AGBL1: variants seen among roughly 807,000 people sequenced by gnomAD.
AGBL1 encodes cytosolic carboxypeptidase 4.
In AGBL1, 130 loss-of-function variants were observed where a neutral mutation model predicts 118.9. The observed-to-expected ratio is 1.09, with a 90% CI of 0.95 to 1.26. The LOEUF (loss-of-function observed/expected upper bound fraction) is 1.26. Ranked by LOEUF, AGBL1 falls within the 50% of genes most tolerant of loss-of-function variation. The pLI, the probability that AGBL1 is intolerant of heterozygous loss-of-function variation, is 0.00. For missense variants in AGBL1, 1,584 were observed against 1,298.1 expected, an observed-to-expected ratio of 1.22 and a Z score of -3.38; for synonymous variants, 555 against 478.9, an observed-to-expected ratio of 1.16 and a Z score of -2.08.
chr15:86,468,214 C>T (rs1183522062), intron 18 of AGBL1, among the ~76,000 whole-genome samples: 2 of 152,122 alleles, frequency 1.3e-5, no homozygotes, highest in African/African-American at 2.4e-5. Flanking sequence ...AAGAAGAAAG[C>T]ATTAGACAGG....
chr15:86,327,216 G>A (rs1434880155), intron 17 of AGBL1, among the ~76,000 whole-genome samples: 1 of 152,182 alleles, frequency 6.6e-6, no homozygotes, highest in African/African-American at 2.4e-5. Context: ...ACCCAATGTG[G>A]AGGGTGTGCA....
At chr15:86,402,212 T>TTATG (rs1312227669) in intron 18 of AGBL1, among the ~76,000 whole-genome samples, 3 of 152,046 alleles carry the variant, frequency 2.0e-5, no homozygotes, top group Non-Finnish European at 4.4e-5. Flanking sequence ...ATTTATTTAT[T>TTATG]TATTTTTACA....
intron 21 of AGBL1, among the ~76,000 whole-genome samples, chr15:86,636,497 T>G (rs1371269406): frequency 6.7e-6 from 1 of 148,984 alleles, no homozygotes; most frequent in Admixed American, 6.8e-5. Context: ...CAAGATAGTT[T>G]TTTTTTTTTC....
chr15:86,218,522 C>A (rs2078226471), intron 5 of AGBL1, among the ~76,000 whole-genome samples: 1 of 152,138 alleles, frequency 6.6e-6, no homozygotes, highest in African/African-American at 2.4e-5. Flanking sequence ...TGGGAAAGAG[C>A]TGAAACTTGT....
chr15:86,635,924 A>G (rs2142451467), intron 21 of AGBL1, among the ~76,000 whole-genome samples: 1 of 152,302 alleles, frequency 6.6e-6, no homozygotes, highest in South Asian at 2.1e-4. Context: ...TGGGTGAGTC[A>G]GCACAGTTGG....
intron 22 of AGBL1, among the ~76,000 whole-genome samples, chr15:86,889,520 A>G (rs1159311905): frequency 2.6e-5 from 4 of 152,028 alleles, no homozygotes; most frequent in East Asian, 3.9e-4. Flanking sequence ...TCCATTAGCT[A>G]TTCTTCCTGA....
intron 5 of AGBL1, among the ~76,000 whole-genome samples, chr15:86,182,689 C>T (rs1462146885): frequency 1.3e-5 from 2 of 152,104 alleles, no homozygotes; most frequent in Admixed American, 6.6e-5. Context: ...TTCAGCATTG[C>T]AGAAGCAGAG....
At chr15:86,320,801 T>C (rs1316970624) in intron 17 of AGBL1, among the ~76,000 whole-genome samples, 1 of 152,072 alleles carries the variant, frequency 6.6e-6, no homozygotes, top group African/African-American at 2.4e-5. Context: ...ATAAGATTTT[T>C]AACATGAATG....
At chr15:86,152,861 A>G (rs907300623) in intron 3 of AGBL1, among the ~76,000 whole-genome samples, 15 of 152,378 alleles carry the variant, frequency 9.8e-5, no homozygotes, top group Middle Eastern at 3.4e-3. Context: ...ATATGAACAG[A>G]CATTTCTTAA....
intron 18 of AGBL1, among the ~76,000 whole-genome samples, chr15:86,442,928 C>T (rs1297213527): frequency 6.6e-6 from 1 of 152,132 alleles, no homozygotes; most frequent in Non-Finnish European, 1.5e-5. Flanking sequence ...CTCCTCCCAC[C>T]CCCTGCTCCT....
intron 17 of AGBL1, among the ~76,000 whole-genome samples, chr15:86,383,214 A>G (rs2081136155): frequency 7.4e-6 from 1 of 135,640 alleles, no homozygotes; most frequent in African/African-American, 2.7e-5. Flanking sequence ...TTCCTGAGAG[A>G]TGCTGCACTG....
chr15:86,437,161 G>T (rs968061409), intron 18 of AGBL1, among the ~76,000 whole-genome samples: 1 of 152,116 alleles, frequency 6.6e-6, no homozygotes, highest in Non-Finnish European at 1.5e-5. Context: ...GTGTAAGAAG[G>T]TATGGACTAG....
chr15:87,022,239 AAT>A (rs1316256002), intron 24 of AGBL1, among the ~76,000 whole-genome samples: 1 of 152,100 alleles, frequency 6.6e-6, no homozygotes, highest in Non-Finnish European at 1.5e-5. Context: ...CAACTCTGGT[AAT>A]ATGACAAAAC....
At chr15:86,659,973 T>C (rs903390952) in intron 21 of AGBL1, among the ~76,000 whole-genome samples, 1 of 152,012 alleles carries the variant, frequency 6.6e-6, no homozygotes, top group Admixed American at 6.6e-5. Flanking sequence ...CTCATGGACT[T>C]TGGGGGCCTC....
chr15:86,264,936 G>C (rs7168350), intron 11 of AGBL1, 98 bp downstream of exon 11: 57,096 of 1,155,998 alleles, frequency 0.049, 1,557 homozygotes, highest in Middle Eastern at 0.087. Flanking sequence ...CTATAGGAAA[G>C]AGAGCATTAA....
chr15:86,317,531 G>A (rs1286055683), intron 17 of AGBL1, among the ~76,000 whole-genome samples: 2 of 152,144 alleles, frequency 1.3e-5, no homozygotes, highest in African/African-American at 4.8e-5. Context: ...ACTCCCTTGG[G>A]GTGATGAACA....
chr15:86,985,553 T>G (rs1215905837), intron 23 of AGBL1, among the ~76,000 whole-genome samples: 1 of 152,224 alleles, frequency 6.6e-6, no homozygotes, highest in Non-Finnish European at 1.5e-5. Flanking sequence ...ATGTGTCAAT[T>G]CAAGATTTTA....
chr15:86,781,817 T>C (rs1177531453), intron 22 of AGBL1, among the ~76,000 whole-genome samples: 2 of 152,126 alleles, frequency 1.3e-5, no homozygotes, highest in Non-Finnish European at 2.9e-5. Flanking sequence ...TACATGTATC[T>C]TGTTAAAAGT....
chr15:86,664,290 G>C (rs1447915898), intron 21 of AGBL1, among the ~76,000 whole-genome samples: 1 of 152,162 alleles, frequency 6.6e-6, no homozygotes, highest in Non-Finnish European at 1.5e-5. Context: ...TCCATTTGTT[G>C]GGGTCGATAA....
Sources: allele counts gnomAD v4.1 joint callset (sites outside exome capture counted in the v4.1 genomes callset), GRCh38; gene constraint gnomAD v4.1.1; transcripts MANE v1.5; gene names NCBI Gene and HGNC (gene_info 2026-07-23, HGNC 2026-07-21).